MIPOL1: variants seen among roughly 807,000 people sequenced by gnomAD.
MIPOL1 encodes the protein mirror-image polydactyly 1.
A neutral mutation model predicts 60.9 loss-of-function variants in MIPOL1; 57 were observed. The observed-to-expected ratio is 0.94, with a 90% confidence interval of 0.76 to 1.17. The LOEUF (loss-of-function observed/expected upper bound fraction) is 1.17. Among genes scored for constraint, MIPOL1 ranks in the 50% most tolerant of loss-of-function variants. The probability of loss-of-function intolerance (pLI) is 0.00; values close to 1 mark genes in which losing one functional copy is unlikely to be tolerated. For synonymous variants in MIPOL1, 179 were observed against 168.8 expected (o/e 1.06, Z -0.47); for missense variants, 551 against 511.6 (o/e 1.08, Z -0.74).
At chr14:37,274,684 A>C (rs1345968361) in intron 6 of MIPOL1, among the ~76,000 whole-genome samples, 1 of 151,386 alleles carries the variant, frequency 6.6e-6, no homozygotes, top group Admixed American at 6.6e-5. Context: ...TCTTTTTGAC[A>C]CTTATCATGT....
At chr14:37,543,751 A>T (rs1043429486) in intron 12 of MIPOL1, among the ~76,000 whole-genome samples, 1 of 152,170 alleles carries the variant, frequency 6.6e-6, no homozygotes, top group Non-Finnish European at 1.5e-5. Context: ...CCTTCATCCC[A>T]TCTCTGCATT....
intron 1 of MIPOL1, among the ~76,000 whole-genome samples, chr14:37,207,191 T>C (rs1966224810): frequency 6.6e-6 from 1 of 152,168 alleles, no homozygotes. Context: ...GGGAGATACT[T>C]GAATCATGGG....
intron 11 of MIPOL1, among the ~76,000 whole-genome samples, chr14:37,424,720 G>A (rs2093932357): frequency 6.6e-6 from 1 of 152,106 alleles, no homozygotes; most frequent in South Asian, 2.1e-4. Context: ...TCTATAAGTG[G>A]GCATACAGGT....
intron 10 of MIPOL1, among the ~76,000 whole-genome samples, chr14:37,378,983 C>G (rs1029102832): frequency 6.6e-6 from 1 of 151,850 alleles, no homozygotes; most frequent in African/African-American, 2.4e-5. Context: ...GCTAGTAATC[C>G]TAATATAAAA....
chr14:37,370,493 T>C (rs2092609807), intron 10 of MIPOL1, among the ~76,000 whole-genome samples: 2 of 152,182 alleles, frequency 1.3e-5, no homozygotes, highest in Admixed American at 1.3e-4. Flanking sequence ...TGTCTTAAAT[T>C]TGTTTTTTTG....
At chr14:37,220,690 C>T (rs1301529830) in intron 1 of MIPOL1, among the ~76,000 whole-genome samples, 3 of 152,156 alleles carry the variant, frequency 2.0e-5, no homozygotes, top group Non-Finnish European at 4.4e-5. Flanking sequence ...TTTAGGATTT[C>T]AGCATCTTAA....
chr14:37,397,896 G>A (rs1207628523), intron 10 of MIPOL1, among the ~76,000 whole-genome samples: 2 of 152,158 alleles, frequency 1.3e-5, no homozygotes, highest in Non-Finnish European at 2.9e-5. Context: ...CAGGCTACCT[G>A]CCTCTGAGTT....
At chr14:37,356,272 C>A (rs1002449962) in intron 9 of MIPOL1, among the ~76,000 whole-genome samples, 13 of 151,748 alleles carry the variant, frequency 8.6e-5, no homozygotes, top group African/African-American at 3.1e-4. Flanking sequence ...GTTCTCAGAT[C>A]TCCAGCTGCG....
At chr14:37,325,365 CTT>C (rs762875014) in intron 9 of MIPOL1, among the ~76,000 whole-genome samples, 26 of 152,110 alleles carry the variant, frequency 1.7e-4, no homozygotes, top group South Asian at 1.5e-3. Flanking sequence ...AAAATATACT[CTT>C]TTTTATCTAC....
intron 10 of MIPOL1, among the ~76,000 whole-genome samples, chr14:37,419,661 A>G (rs1051421536): frequency 6.6e-6 from 1 of 152,176 alleles, no homozygotes; most frequent in Non-Finnish European, 1.5e-5. Context: ...ACCCAAATTC[A>G]TAGAAGTGTT....
At chr14:37,363,705 G>T (rs752532173) in intron 9 of MIPOL1, among the ~76,000 whole-genome samples, 8 of 152,188 alleles carry the variant, frequency 5.3e-5, no homozygotes, top group Non-Finnish European at 1.0e-4. Context: ...GAAGTTGTCC[G>T]CTGCCATTTG....
chr14:37,549,368 C>A lies in MIPOL1; in HGVS notation c.*2397C>A, dbSNP rs556622231. 2 of 151,482 alleles carry A rather than the reference C, an allele frequency of 1.3e-5. No individual in the cohort carries two copies. The highest frequency in any genetic ancestry group is 2.4e-5 in the African/African-American group (1 of 41,296). The allele number at this position is 151,482 out of a possible 1,614,324, so 9.4% of individuals were successfully genotyped here. On this transcript the variant is annotated 3_prime_UTR_variant, in exon 13 of 13. Transcript: ENST00000684589. ...TTTTACATCTGTTTTTTCATTTGAT[C>A]CTATCGACAATCATAATAATAATAA... is the stretch of plus-strand genomic sequence containing the variant.
intron 12 of MIPOL1, among the ~76,000 whole-genome samples, chr14:37,534,238 T>C (rs935922177): frequency 6.6e-6 from 1 of 152,208 alleles, no homozygotes; most frequent in Non-Finnish European, 1.5e-5. Context: ...TGAAATTTTA[T>C]CTAACATATT....
chr14:37,426,638 A>AT (rs2093972878), intron 11 of MIPOL1, among the ~76,000 whole-genome samples: 1 of 144,172 alleles, frequency 6.9e-6, no homozygotes, highest in South Asian at 2.1e-4. Flanking sequence ...GTATATATAT[A>AT]TATTATATAT....
chr14:37,237,130 C>G (rs1971612919), intron 1 of MIPOL1, among the ~76,000 whole-genome samples: 1 of 152,106 alleles, frequency 6.6e-6, no homozygotes, highest in Non-Finnish European at 1.5e-5. Context: ...TGGCCTGGGT[C>G]TCTGTGGATC....
At chr14:37,396,581 A>T (rs2093376079) in intron 10 of MIPOL1, among the ~76,000 whole-genome samples, 1 of 152,058 alleles carries the variant, frequency 6.6e-6, no homozygotes, top group Admixed American at 6.5e-5. Flanking sequence ...CCAAACTTTT[A>T]GATTTCTCTT....
chr14:37,234,338 C>CT (rs1275933571), intron 1 of MIPOL1, among the ~76,000 whole-genome samples: 2 of 147,440 alleles, frequency 1.4e-5, no homozygotes, highest in Non-Finnish European at 3.0e-5. Context: ...CTGGTCCCTT[C>CT]TTTTTTTCTT....
intron 9 of MIPOL1, among the ~76,000 whole-genome samples, chr14:37,355,185 T>G (rs549736001): frequency 6.7e-6 from 1 of 148,794 alleles, no homozygotes; most frequent in East Asian, 2.0e-4. Context: ...TGGCTGGATA[T>G]GAAATTCTGG....
chr14:37,541,281 C>A (rs912964291), intron 12 of MIPOL1, among the ~76,000 whole-genome samples: 3 of 152,174 alleles, frequency 2.0e-5, no homozygotes, highest in Non-Finnish European at 4.4e-5. Context: ...TCCATTCTCC[C>A]CGTAGAGTAA....
Sources: gnomAD v4.1 joint callset for allele counts (sites outside exome capture counted in the v4.1 genomes callset) on GRCh38, gnomAD v4.1.1 for gene constraint, MANE v1.5 for transcripts, NCBI Gene and HGNC (gene_info 2026-07-23, HGNC 2026-07-21) for gene names.